The following PTPRD variants were observed in gnomAD, a reference collection of about 807,000 sequenced individuals.
PTPRD encodes receptor-type tyrosine-protein phosphatase delta.
PTPRD carries 34 observed loss-of-function variants against 214.5 expected under a neutral mutation model. The observed-to-expected ratio is 0.16, with a 90% confidence interval of 0.12 to 0.21. PTPRD has a LOEUF of 0.21. PTPRD is among the 10% of genes least tolerant of loss of function. The pLI, the probability that PTPRD is intolerant of heterozygous loss-of-function variation, is 1.00. For synonymous variants in PTPRD, 1,128 were observed against 845.7 expected (o/e 1.33, Z -5.79); for missense variants, 2,545 against 2,398.7 (o/e 1.06, Z -1.27).
chr9:9,915,146 C>T (rs541404491), intron 5 of PTPRD, among the ~76,000 whole-genome samples: 1 of 152,292 alleles, frequency 6.6e-6, no homozygotes, highest in East Asian at 1.9e-4. Flanking sequence ...GTAGAAACGA[C>T]ATGGAGACAA....
chr9:9,150,155 T>C (rs1282072843), intron 10 of PTPRD, among the ~76,000 whole-genome samples: 1 of 152,118 alleles, frequency 6.6e-6, no homozygotes, highest in Admixed American at 6.5e-5. Context: ...TGCCTAGCCA[T>C]AAGAAATTAT....
intron 3 of PTPRD, among the ~76,000 whole-genome samples, chr9:10,276,521 A>C (rs2094699907): frequency 6.6e-6 from 1 of 152,252 alleles, no homozygotes; most frequent in African/African-American, 2.4e-5. Flanking sequence ...TTGAGCAACA[A>C]GTCTTTAGAC....
chr9:9,747,163 G>A (rs1167246901), intron 6 of PTPRD, among the ~76,000 whole-genome samples: 1 of 152,150 alleles, frequency 6.6e-6, no homozygotes, highest in African/African-American at 2.4e-5. Flanking sequence ...TGGAAAAGAG[G>A]GAAGAAGCAC....
intron 2 of PTPRD, among the ~76,000 whole-genome samples, chr9:10,515,665 T>C (rs191734081): frequency 3.3e-4 from 50 of 152,138 alleles, no homozygotes; most frequent in Admixed American, 3.3e-3. Flanking sequence ...ACTCTAGGCA[T>C]GATATTTCAC....
At position 10,524,845 on chromosome 9, in the gene PTPRD, G is replaced by C. The variant is rs571534273; in HGVS notation, c.-600+87553C>G. 1.2e-4 allele frequency among the ~76,000 whole-genome samples: 18 copies of C among 151,790 alleles called. No individual in the cohort carries two copies. In the South Asian group the frequency reaches 2.9e-3, roughly 25 times the overall value. On this transcript the variant is annotated intron_variant, in intron 2 of 45. Transcript: ENST00000381196. ...TTTTACATTGTAAAAGAAGGTACCT[G>C]TTACTGTTTTTAAATCATAGCTACA...
intron 9 of PTPRD, among the ~76,000 whole-genome samples, chr9:9,387,498 T>G (rs1389952232): frequency 1.3e-5 from 2 of 152,174 alleles, no homozygotes; most frequent in African/African-American, 2.4e-5. Flanking sequence ...ATTTCAACCT[T>G]ATTTTTGAAG....
intron 9 of PTPRD, among the ~76,000 whole-genome samples, chr9:9,213,898 T>G (rs2099950438): frequency 6.6e-6 from 1 of 152,178 alleles, no homozygotes; most frequent in Non-Finnish European, 1.5e-5. Flanking sequence ...TCAGCTTTGT[T>G]TTTTGTGTAG....
intron 21 of PTPRD, among the ~76,000 whole-genome samples, chr9:8,511,010 C>A (rs897233981): frequency 2.0e-5 from 3 of 151,984 alleles, no homozygotes; most frequent in Non-Finnish European, 2.9e-5. Flanking sequence ...TGTTTTCTCT[C>A]TATATATGTA....
At chr9:8,934,465 A>AATT (rs2098978812) in intron 11 of PTPRD, among the ~76,000 whole-genome samples, 1 of 7,600 alleles carries the variant, frequency 1.3e-4, no homozygotes, top group East Asian at 3.5e-3. Flanking sequence ...ATATATATAA[A>AATT]TATATATATA....
chr9:9,834,409 A>G (rs1262966902), intron 5 of PTPRD, among the ~76,000 whole-genome samples: 1 of 152,088 alleles, frequency 6.6e-6, no homozygotes, highest in Admixed American at 6.6e-5. Flanking sequence ...GAGAACCCTG[A>G]ACTCCACAAA....
At position 9,185,000 on chromosome 9, in the gene PTPRD, C is replaced by T. The variant is rs561470188; in HGVS notation, c.-202-1637G>A. On this transcript the variant is annotated intron_variant, in intron 9 of 45. Transcript: ENST00000381196. ...AGCAAGTGGAACACATCAAAATATG[C>T]TTGCAAAACTGTTCTTATAGGCCTC... Among the ~76,000 whole-genome samples the T allele has an allele frequency of 4.6e-5, 7 of 152,136 alleles. No homozygotes were observed. In the South Asian group the frequency reaches 8.3e-4, roughly 18 times the overall value.
intron 11 of PTPRD, among the ~76,000 whole-genome samples, chr9:8,982,150 G>A (rs536742311): frequency 6.6e-6 from 1 of 152,052 alleles, no homozygotes; most frequent in African/African-American, 2.4e-5. Flanking sequence ...GTTAAAAGAG[G>A]AAAATATTAC....
At chr9:10,177,333 T>C (rs1213601846) in intron 3 of PTPRD, among the ~76,000 whole-genome samples, 1 of 150,962 alleles carries the variant, frequency 6.6e-6, no homozygotes, top group African/African-American at 2.4e-5. Flanking sequence ...GTGGCACAGA[T>C]GAAGAGGACA....
At chr9:9,996,338 T>C (rs1252843129) in intron 4 of PTPRD, among the ~76,000 whole-genome samples, 1 of 152,188 alleles carries the variant, frequency 6.6e-6, no homozygotes, top group African/African-American at 2.4e-5. Context: ...TTACACAATA[T>C]TACCATAGTG....
At position 10,606,698 on chromosome 9, in the gene PTPRD, T is replaced by C. The variant is rs185687109; in HGVS notation, c.-600+5700A>G. 5.3e-5 allele frequency among the ~76,000 whole-genome samples: 8 copies of C among 152,000 alleles called. No homozygotes were observed. The East Asian group carries it at 9.7e-4, about 18-fold the overall frequency. On this transcript the variant is annotated intron_variant, in intron 2 of 45. Coordinates refer to ENST00000381196, the MANE Select transcript of PTPRD (RefSeq NM_002839.4). ...CCAGACAAGGGAATGGAAGTATTCC[T>C]ATGATACGTATGTCATGTTACATGT...
chr9:10,233,307 A>G (rs1433715577), intron 3 of PTPRD, among the ~76,000 whole-genome samples: 2 of 152,022 alleles, frequency 1.3e-5, no homozygotes, highest in Non-Finnish European at 2.9e-5. Flanking sequence ...CAACATTTCA[A>G]ATAATTTTCC....
At chr9:9,730,833 A>C (rs2098177023) in intron 7 of PTPRD, among the ~76,000 whole-genome samples, 1 of 152,158 alleles carries the variant, frequency 6.6e-6, no homozygotes, top group Admixed American at 6.6e-5. Context: ...GGAAGCATGA[A>C]ATGAGAATAC....
chr9:8,982,032 T>C (rs1205036539), intron 11 of PTPRD, among the ~76,000 whole-genome samples: 1 of 152,010 alleles, frequency 6.6e-6, no homozygotes, highest in Admixed American at 6.6e-5. Flanking sequence ...TAAGAAAATT[T>C]GTAACTTAAT....
chr9:8,425,252 C>T (rs747185088), intron 35 of PTPRD, among the ~76,000 whole-genome samples: 9 of 152,262 alleles, frequency 5.9e-5, no homozygotes, highest in Middle Eastern at 3.4e-3. Context: ...GAAAGCTGTT[C>T]CCAGCAGTGA....
Sources: allele counts gnomAD v4.1 joint callset (sites outside exome capture counted in the v4.1 genomes callset), GRCh38; gene constraint gnomAD v4.1.1; transcripts MANE v1.5; gene names NCBI Gene and HGNC (gene_info 2026-07-23, HGNC 2026-07-21).